Variants in DMD observed in about 807,000 individuals in gnomAD.
DMD encodes mutant dystrophin.
Under a neutral mutation model 330.1 loss-of-function variants are expected in DMD, and 63 were observed. The ratio of observed to expected loss-of-function variants is 0.19; its 90% CI spans 0.16 to 0.24. The LOEUF (loss-of-function observed/expected upper bound fraction) is 0.24, where lower values mean the gene tolerates loss of function less well. Ranked by LOEUF, DMD falls within the 10% of genes least tolerant of loss-of-function variation. DMD has a pLI of 1.00. For synonymous variants in DMD, 1,223 were observed against 959.8 expected (o/e 1.27, Z -5.07); for missense variants, 3,344 against 2,684.1 (o/e 1.25, Z -5.43).
chrX:32,921,997 C>T (rs990975138), intron 2 of DMD, among the ~76,000 whole-genome samples: 9 of 110,235 alleles, frequency 8.2e-5, no homozygotes, highest in African/African-American at 2.3e-4. Flanking sequence ...TTCTACTATC[C>T]CTAAATTTAC....
At chrX:31,363,989 G>A (rs748907254) in intron 60 of DMD, among the ~76,000 whole-genome samples, 1 of 112,651 alleles carries the variant, frequency 8.9e-6, no homozygotes, top group Admixed American at 9.3e-5. Flanking sequence ...CCTATTCTAT[G>A]TCTATAACTG....
chrX:33,285,305 T>C (rs1399027758), intron 1 of DMD, among the ~76,000 whole-genome samples: 1 of 87,517 alleles, frequency 1.1e-5, no homozygotes, highest in Non-Finnish European at 2.5e-5. Flanking sequence ...TAATACGAAT[T>C]CATTTGTGTG....
At chrX:32,726,930 G>T (rs1005404650) in intron 7 of DMD, among the ~76,000 whole-genome samples, 2 of 110,210 alleles carry the variant, frequency 1.8e-5, no homozygotes, top group Non-Finnish European at 3.8e-5. Context: ...GACGATAAAG[G>T]ACACCAAAAG....
intron 2 of DMD, among the ~76,000 whole-genome samples, chrX:32,974,145 G>T (rs763188360): frequency 8.9e-6 from 1 of 111,759 alleles, no homozygotes; most frequent in South Asian, 3.7e-4. Flanking sequence ...TCTACAATAT[G>T]AATGGACCTT....
At chrX:32,823,772 C>A (rs927172708) in intron 4 of DMD, among the ~76,000 whole-genome samples, 2 of 111,635 alleles carry the variant, frequency 1.8e-5, no homozygotes, top group Non-Finnish European at 3.8e-5. Flanking sequence ...AGGCTGACTG[C>A]ATTTTAGTAA....
At chrX:31,328,923 A>G (rs770343791) in intron 61 of DMD, among the ~76,000 whole-genome samples, 1 of 112,310 alleles carries the variant, frequency 8.9e-6, no homozygotes, top group African/African-American at 3.2e-5. Flanking sequence ...CATGTAGTAT[A>G]AAGTATGGCA....
intron 22 of DMD, among the ~76,000 whole-genome samples, chrX:32,469,187 T>C (rs1356095592): frequency 2.7e-5 from 3 of 110,546 alleles, no homozygotes; most frequent in African/African-American, 9.8e-5. Context: ...AATGTTATTC[T>C]GTTATGTAGT....
Position 32,236,322 on chromosome X carries a change from A to C in DMD, c.6291-19259T>G, listed in dbSNP as rs1027599453. ...GGTAGGACATGCCATCCTCAGTTTA[A>C]CTAGATTATTGCTAAATTACACTCT... On this transcript the variant is annotated intron_variant, in intron 43 of 78. Transcript: ENST00000357033. 5.3e-5 allele frequency among the ~76,000 whole-genome samples: 6 copies of C among 112,523 alleles called. No individual in the cohort carries two copies. In the Admixed American group the frequency reaches 5.6e-4, roughly 11 times the overall value.
chrX:32,372,739 T>G (rs1020679749), intron 34 of DMD, among the ~76,000 whole-genome samples: 1 of 111,522 alleles, frequency 9.0e-6, no homozygotes, highest in South Asian at 3.7e-4. Flanking sequence ...TATGTCGCTG[T>G]AGGAAGTTGC....
At chrX:32,398,273 C>A (rs1387395766) in intron 30 of DMD, among the ~76,000 whole-genome samples, 5 of 98,556 alleles carry the variant, frequency 5.1e-5, no homozygotes, top group Non-Finnish European at 1.0e-4. Flanking sequence ...ACCCCCCCCC[C>A]CAAGTAGAGT....
chrX:32,042,532 T>C (rs1262126328), intron 44 of DMD, among the ~76,000 whole-genome samples: 1 of 111,297 alleles, frequency 9.0e-6, no homozygotes, highest in Non-Finnish European at 1.9e-5. Context: ...GTCTCTCCCT[T>C]GACACACGGG....
At chrX:31,131,224 C>G (rs1018052706) in intron 77 of DMD, among the ~76,000 whole-genome samples, 10 of 112,290 alleles carry the variant, frequency 8.9e-5, no homozygotes, top group African/African-American at 3.2e-4. Flanking sequence ...GCAAGAAAAA[C>G]TGAGATCACA....
intron 2 of DMD, among the ~76,000 whole-genome samples, chrX:33,001,580 GGGT>G (rs2093279427): frequency 9.0e-6 from 1 of 111,550 alleles, no homozygotes; most frequent in Non-Finnish European, 1.9e-5. Flanking sequence ...GAGAAAATGT[GGGT>G]GGTTTCTTTA....
intron 15 of DMD, among the ~76,000 whole-genome samples, chrX:32,572,403 C>T (rs1286397090): frequency 9.0e-6 from 1 of 111,160 alleles, no homozygotes; most frequent in African/African-American, 3.3e-5. Flanking sequence ...TATAAAAGTT[C>T]ATATCAAATG....
chrX:32,595,025 T>C (rs1269412437), intron 13 of DMD, among the ~76,000 whole-genome samples: 3 of 111,333 alleles, frequency 2.7e-5, no homozygotes. Flanking sequence ...CACATGACAC[T>C]ACAGAGCTAT....
At chrX:32,037,910 T>A (rs1417061511) in intron 44 of DMD, among the ~76,000 whole-genome samples, 1 of 111,919 alleles carries the variant, frequency 8.9e-6, no homozygotes, top group Non-Finnish European at 1.9e-5. Context: ...TTATTCCAAT[T>A]TTTCATGTTC....
chrX:33,163,660 A>C (rs776584768), intron 1 of DMD, among the ~76,000 whole-genome samples: 1,385 of 16,483 alleles, frequency 0.084, 46 homozygotes, highest in African/African-American at 0.24. Context: ...ATCTATCTAT[A>C]TAAAGTTTTA....
Position 31,689,266 on chromosome X carries a change from C to A in DMD, c.7661-9680G>T, listed in dbSNP as rs1471466945. Among the ~76,000 whole-genome samples the A allele has an allele frequency of 2.7e-5, 3 of 112,587 alleles. No individual in the cohort carries two copies. The East Asian group carries it at 8.4e-4, about 31-fold the overall frequency. On this transcript the variant is annotated intron_variant, in intron 52 of 78. Coordinates refer to ENST00000357033, the MANE Select transcript of DMD (RefSeq NM_004006.3). Reference sequence around the variant, plus strand: ...TCCTTAAGCTGATAAGCAACTTCAGCAAAGTCTCAGGATATAAAATCAATG... The same window carrying A: ...TCCTTAAGCTGATAAGCAACTTCAGAAAAGTCTCAGGATATAAAATCAATG...
At chrX:33,008,899 TAC>T (rs1422000649) in intron 2 of DMD, among the ~76,000 whole-genome samples, 3 of 86,375 alleles carry the variant, frequency 3.5e-5, no homozygotes, top group Non-Finnish European at 4.7e-5. Flanking sequence ...CGTGTATATA[TAC>T]ACATACTCAT....
Sources: allele counts gnomAD v4.1 joint callset (sites outside exome capture counted in the v4.1 genomes callset), GRCh38; gene constraint gnomAD v4.1.1; transcripts MANE v1.5; gene names NCBI Gene and HGNC (gene_info 2026-07-23, HGNC 2026-07-21).